The following ABCA13 variants were observed in gnomAD, a reference collection of about 807,000 sequenced individuals.
ABCA13 encodes ATP binding cassette subfamily A member 13, also known as ATP-binding cassette sub-family A member 13.
ABCA13 carries 476 observed loss-of-function variants against 478.7 expected under a neutral mutation model. The ratio of observed to expected loss-of-function variants is 0.99; its 90% CI spans 0.92 to 1.07. The LOEUF is 1.07. ABCA13 is among the 50% of genes least tolerant of loss of function. The probability of loss-of-function intolerance (pLI) is 0.00; values close to 1 mark genes in which losing one functional copy is unlikely to be tolerated. For synonymous variants in ABCA13, 2,252 were observed against 2,158.9 expected (o/e 1.04, Z -1.20); for missense variants, 6,060 against 5,910.6 (o/e 1.03, Z -0.83).
chr7:48,343,983 A>G (rs1807659996), intron 29 of ABCA13, among the ~76,000 whole-genome samples: 1 of 152,138 alleles, frequency 6.6e-6, no homozygotes, highest in East Asian at 1.9e-4. Context: ...TAAAATTACT[A>G]TTACTGTTTT....
At chr7:48,282,789 T>C (rs1797221141) in intron 19 of ABCA13, among the ~76,000 whole-genome samples, 1 of 152,200 alleles carries the variant, frequency 6.6e-6, no homozygotes, top group Admixed American at 6.5e-5. Context: ...CTCCTTGTTA[T>C]GGCTCTTACC....
At chr7:48,212,522 C>T (rs1481622947) in intron 3 of ABCA13, among the ~76,000 whole-genome samples, 3 of 152,128 alleles carry the variant, frequency 2.0e-5, no homozygotes, top group Non-Finnish European at 2.9e-5. Context: ...GCTGTTTGTT[C>T]GAAAGTGTTG....
At chr7:48,462,775 C>G (rs1338802214) in intron 43 of ABCA13, among the ~76,000 whole-genome samples, 5 of 152,188 alleles carry the variant, frequency 3.3e-5, no homozygotes, top group Admixed American at 3.3e-4. Context: ...TCCCAAAGTG[C>G]TGGGATTACA....
At chr7:48,235,891 T>G (rs1789880698) in intron 8 of ABCA13, among the ~76,000 whole-genome samples, 1 of 152,182 alleles carries the variant, frequency 6.6e-6, no homozygotes, top group Admixed American at 6.5e-5. Context: ...TAATAAATAC[T>G]TTATTATAAA....
At chr7:48,517,635 T>C (rs1488002967) in intron 52 of ABCA13, among the ~76,000 whole-genome samples, 3 of 152,166 alleles carry the variant, frequency 2.0e-5, no homozygotes, top group Non-Finnish European at 1.5e-5. Flanking sequence ...CTTTAATACA[T>C]CTTTCAGCCC....
chr7:48,607,491 C>T (rs921187386), intron 58 of ABCA13, among the ~76,000 whole-genome samples: 9 of 152,168 alleles, frequency 5.9e-5, no homozygotes, highest in Non-Finnish European at 1.3e-4. Context: ...CCTATTCGGC[C>T]ATCTTGCCAG....
In ABCA13 at chr7:48,315,230, A is replaced by G. The variant is rs931198334; in HGVS notation, c.9859+821A>G. ...ATGTATCCTAGTGTATTCGTTTTCTATGCTGCATGACAATCATTGCACACT... is the reference window on the plus strand; with the variant it reads ...ATGTATCCTAGTGTATTCGTTTTCTGTGCTGCATGACAATCATTGCACACT... On this transcript the variant is annotated intron_variant, in intron 26 of 61. Transcript: ENST00000435803. Among the ~76,000 whole-genome samples the G allele has an allele frequency of 3.3e-5, 5 of 152,220 alleles. No individual in the cohort carries two copies. In the South Asian group the frequency reaches 6.2e-4, roughly 19 times the overall value.
chr7:48,290,747 G>T (rs1798391874), intron 20 of ABCA13, among the ~76,000 whole-genome samples: 1 of 152,020 alleles, frequency 6.6e-6, no homozygotes, highest in Non-Finnish European at 1.5e-5. Flanking sequence ...CATGCAGTAG[G>T]TTTAATTCAA....
intron 32 of ABCA13, 50 bp downstream of exon 32, chr7:48,367,958 AC>A (rs1486053528): frequency 4.2e-6 from 6 of 1,440,142 alleles, no homozygotes; most frequent in Non-Finnish European, 5.7e-6. Context: ...GAGGCTGGGG[AC>A]TTTGGAAATG....
At chr7:48,575,489 T>C (rs1469880121) in intron 55 of ABCA13, among the ~76,000 whole-genome samples, 1 of 152,220 alleles carries the variant, frequency 6.6e-6, no homozygotes, top group Non-Finnish European at 1.5e-5. Context: ...TTTTCTCTTA[T>C]ATTTATCACA....
At chr7:48,393,616 G>A (rs11773079) in intron 38 of ABCA13, among the ~76,000 whole-genome samples, 2,407 of 152,258 alleles carry the variant, frequency 0.016, 15 homozygotes, top group Non-Finnish European at 0.024. Context: ...GTGTTGTTTT[G>A]TATGGTGTAA....
rs1156643955 is a variant in ABCA13 at position 48,637,381 on chromosome 7, C to CAAAA, written c.14838-5885_14838-5882dup. 3.0e-3 allele frequency among the ~76,000 whole-genome samples: 61 copies of CAAAA among 20,252 alleles called. 3 individuals are homozygous for CAAAA. Among genetic ancestry groups the CAAAA allele is most frequent in the African/African-American group, 3.7e-3 (18 of 4,912 alleles). 13.3% of individuals were successfully genotyped at this position (20,252 alleles called of 152,430 possible). On this transcript the variant is annotated intron_variant, in intron 59 of 61. Transcript: ENST00000435803. ...TGTTTTCTTTATTATGTTCATAAAG[C>CAAAA]AAAAAAAAAAAAAAAAAAAAAAAAA...
At chr7:48,293,238 G>A (rs1203098584) in intron 20 of ABCA13, among the ~76,000 whole-genome samples, 1 of 141,614 alleles carries the variant, frequency 7.1e-6, no homozygotes, top group Non-Finnish European at 1.5e-5. Context: ...AGCTCTGCTG[G>A]GGGGCTCCAT....
chr7:48,494,661 A>G (rs752895294), intron 48 of ABCA13, among the ~76,000 whole-genome samples: 34 of 152,110 alleles, frequency 2.2e-4, no homozygotes, highest in Non-Finnish European at 1.2e-4. Flanking sequence ...GGGTGTTTTC[A>G]TGGGGAGCAT....
intron 41 of ABCA13, among the ~76,000 whole-genome samples, chr7:48,414,225 G>A (rs937113530): frequency 1.3e-5 from 2 of 152,122 alleles, no homozygotes; most frequent in South Asian, 2.1e-4. Flanking sequence ...CCTCTGCAGC[G>A]GATTCCCAGA....
intron 41 of ABCA13, 123 bp downstream of exon 41, chr7:48,412,706 T>G (rs967896303): frequency 9.1e-6 from 6 of 660,200 alleles, no homozygotes; most frequent in Non-Finnish European, 1.1e-5. Flanking sequence ...CACTTTTATT[T>G]ACATTTGATT....
intron 31 of ABCA13, among the ~76,000 whole-genome samples, chr7:48,359,624 C>T (rs1404370685): frequency 2.0e-5 from 3 of 151,902 alleles, no homozygotes; most frequent in South Asian, 2.1e-4. Context: ...TGATGGAGGC[C>T]GGTGGAGAGG....
At chr7:48,448,485 G>A (rs983802558) in intron 42 of ABCA13, among the ~76,000 whole-genome samples, 1 of 152,144 alleles carries the variant, frequency 6.6e-6, no homozygotes, top group Non-Finnish European at 1.5e-5. Context: ...TGGGTTTAAG[G>A]TATGACCTTA....
chr7:48,224,692 T>C (rs1372100569), intron 5 of ABCA13, among the ~76,000 whole-genome samples: 1 of 152,236 alleles, frequency 6.6e-6, no homozygotes, highest in Non-Finnish European at 1.5e-5. Context: ...AAGAGGAGCT[T>C]CTGCACCTCC....
Sources: allele counts gnomAD v4.1 joint callset (sites outside exome capture counted in the v4.1 genomes callset), GRCh38; gene constraint gnomAD v4.1.1; transcripts MANE v1.5; gene names NCBI Gene and HGNC (gene_info 2026-07-23, HGNC 2026-07-21).